Variants in BCAS3 observed in about 807,000 individuals in gnomAD.
BCAS3 encodes BCAS3 microtubule associated cell migration factor.
In BCAS3, 53 loss-of-function variants were observed where a neutral mutation model predicts 116.1. The ratio of observed to expected loss-of-function variants is 0.46; its 90% CI spans 0.37 to 0.57. The LOEUF is 0.57. BCAS3 is among the 20% of genes least tolerant of loss of function. The pLI is 0.00. For synonymous variants in BCAS3, 391 were observed against 408.2 expected (o/e 0.96, Z 0.51); for missense variants, 917 against 1,165.4 (o/e 0.79, Z 3.10).
chr17:61,370,003 C>T (rs985937864), intron 23 of BCAS3, among the ~76,000 whole-genome samples: 3 of 152,300 alleles, frequency 2.0e-5, no homozygotes, highest in Admixed American at 6.5e-5. Flanking sequence ...TCTCTCCCAC[C>T]GCCTTCTCAG....
At chr17:60,725,926 G>A (rs146008014) in intron 5 of BCAS3, among the ~76,000 whole-genome samples, 40 of 152,004 alleles carry the variant, frequency 2.6e-4, no homozygotes, top group African/African-American at 7.7e-4. Context: ...ACGGAGTTTC[G>A]CTCTTGTTGC....
At chr17:61,170,572 G>C (rs144966548) in intron 22 of BCAS3, among the ~76,000 whole-genome samples, 1 of 152,148 alleles carries the variant, frequency 6.6e-6, no homozygotes, top group Non-Finnish European at 1.5e-5. Flanking sequence ...GATTACAGGC[G>C]TGAGCCACCG....
rs3785867 is a variant in BCAS3, at chr17:61,138,776, T to C, written c.2425+54212T>C. Among the ~76,000 whole-genome samples the C allele has an allele frequency of 5.7e-3, 874 of 152,326 alleles. 21 individuals carry two copies. The East Asian group carries it at 0.087, about 15-fold the overall frequency. On this transcript the variant is annotated intron_variant, in intron 22 of 23. Coordinates refer to ENST00000407086, the MANE Select transcript of BCAS3 (RefSeq NM_017679.5). The stretch of plus-strand genomic sequence containing the variant: ...TCCAAATGACAGCTGAATTTAGGAA[T>C]TCAGCAGAAAAGTAACAATTCTTTT...
At chr17:60,807,028 C>T (rs894080979) in intron 6 of BCAS3, among the ~76,000 whole-genome samples, 4 of 152,024 alleles carry the variant, frequency 2.6e-5, no homozygotes, top group African/African-American at 9.7e-5. Flanking sequence ...TGAACCATTA[C>T]CTGTGACATT....
At position 61,141,769 on chromosome 17, in the gene BCAS3, C is replaced by T. The variant is rs888746512; in HGVS notation, c.2425+57205C>T. ...TACAAAAATTAGCTGGGCGTGGTGG[C>T]GCACGCCTGTAGTCCCAACTACTCA... On this transcript the variant is annotated intron_variant, in intron 22 of 23. Coordinates refer to ENST00000407086, the MANE Select transcript of BCAS3 (RefSeq NM_017679.5). The surrounding 1 kb of genome is among the most constrained non-coding windows in gnomAD (Gnocchi z 4.3). 6.6e-5 allele frequency among the ~76,000 whole-genome samples: 10 copies of T among 151,894 alleles called. No individual in the cohort carries two copies. The highest frequency in any genetic ancestry group is 4.2e-4 in the South Asian group (2 of 4,808).
intron 22 of BCAS3, among the ~76,000 whole-genome samples, chr17:61,264,042 G>A (rs1270584767): frequency 6.6e-6 from 1 of 152,150 alleles, no homozygotes; most frequent in Non-Finnish European, 1.5e-5. Flanking sequence ...GTAAAGTTAT[G>A]TGGATTCTAG....
chr17:60,779,062 AACC>A (rs2045557363), intron 6 of BCAS3, among the ~76,000 whole-genome samples: 1 of 152,138 alleles, frequency 6.6e-6, no homozygotes, highest in African/African-American at 2.4e-5. Context: ...CCTTGCTTCT[AACC>A]ACATTGTATT....
At chr17:61,288,661 G>A (rs924408374) in intron 22 of BCAS3, among the ~76,000 whole-genome samples, 24 of 152,218 alleles carry the variant, frequency 1.6e-4, no homozygotes, top group African/African-American at 2.9e-4. Context: ...GAACCAAGTC[G>A]GCAGCAACCA....
chr17:61,169,893 C>T (rs1197927166), intron 22 of BCAS3, among the ~76,000 whole-genome samples: 3 of 152,164 alleles, frequency 2.0e-5, no homozygotes, highest in African/African-American at 4.8e-5. Context: ...CTTGCACTGT[C>T]GCCCAGGCTG....
Position 61,068,494 on chromosome 17 carries a change from A to T in BCAS3, c.2030-6426A>T, listed in dbSNP as rs1356547504. 6.6e-6 allele frequency among the ~76,000 whole-genome samples: 1 copy of T among 152,156 alleles called. No individual in the cohort carries two copies. The highest frequency in any genetic ancestry group is 1.9e-4 in the East Asian group (1 of 5,200). ...CATCCAGCTCCTGTCAGTTGTCTGG[A>T]CTATGTCCATATTATTCTTGTACAT... On this transcript the variant is annotated intron_variant, in intron 19 of 23. Coordinates refer to ENST00000407086, the MANE Select transcript of BCAS3 (RefSeq NM_017679.5). The surrounding 1 kb of genome is among the most constrained non-coding windows in gnomAD (Gnocchi z 4.3).
At chr17:61,358,013 G>C (rs7209147) in intron 22 of BCAS3, among the ~76,000 whole-genome samples, 3 of 151,512 alleles carry the variant, frequency 2.0e-5, no homozygotes, top group African/African-American at 4.8e-5. Context: ...ACTTGAGCCC[G>C]GGGGGCAGAG....
Position 61,213,153 on chromosome 17 carries a change from TTTTG to T in BCAS3, c.2425+128605_2425+128608del, listed in dbSNP as rs553439341. Among the ~76,000 whole-genome samples the T allele has an allele frequency of 1.2e-4, 18 of 152,056 alleles. No homozygotes were observed. The South Asian group carries it at 1.9e-3, about 16-fold the overall frequency. ...CCTTGTTAAATTGTTATATATATAT[TTTTG>T]TTTGTTTGTTTGTTTTTTGTTTTTT... On this transcript the variant is annotated intron_variant, in intron 22 of 23. Transcript: ENST00000407086. The surrounding 1 kb of genome is among the most constrained non-coding windows in gnomAD (Gnocchi z 5.4).
In BCAS3 at chr17:61,380,450, C is replaced by T; in HGVS notation, c.2594-11527C>T. 6.6e-7 allele frequency: 1 copy of T among 1,517,426 alleles called. No individual in the cohort carries two copies. Among genetic ancestry groups the T allele is most frequent in the Non-Finnish European group, 9.0e-7 (1 of 1,112,686 alleles). 94.0% of individuals were successfully genotyped at this position (1,517,426 alleles called of 1,614,324 possible). ...CACTTTGATCTCAGCTCTTCCTGCT[C>T]TCTTAAAGGTCCAGTTTGTGATCCG... On this transcript the variant is annotated intron_variant, in intron 23 of 23. Coordinates refer to ENST00000407086, the MANE Select transcript of BCAS3 (RefSeq NM_017679.5). The surrounding 1 kb of genome is among the most constrained non-coding windows in gnomAD (Gnocchi z 4.2).
At chr17:60,853,276 T>C (rs1337655070) in intron 7 of BCAS3, among the ~76,000 whole-genome samples, 1 of 152,256 alleles carries the variant, frequency 6.6e-6, no homozygotes, top group Non-Finnish European at 1.5e-5. Flanking sequence ...TCTTTTTTGA[T>C]TAGTTCTCCT....
rs967675008 is a variant in BCAS3 at position 61,354,184 on chromosome 17, A to G, written c.2426-14143A>G. ...GAAACTAAGGTGACTGAGGCAAGTC[A>G]TTGAACCACCCTGAGCCTTGGCTTC... On this transcript the variant is annotated intron_variant, in intron 22 of 23. Transcript: ENST00000407086. This position sits in a 1 kb window ranked among gnomAD's most constrained non-coding sequence, Gnocchi z 4.5. 6.6e-6 allele frequency: 1 copy of G among 152,256 alleles called. No individual in the cohort carries two copies. Among genetic ancestry groups the G allele is most frequent in the Admixed American group, 6.5e-5 (1 of 15,290 alleles). 9.4% of individuals were successfully genotyped at this position (152,256 alleles called of 1,614,324 possible).
rs1163145561 is a variant in BCAS3, at chr17:60,990,276, C to T, written c.1486+41C>T. On this transcript the variant is annotated intron_variant, in intron 15 of 23. Transcript: ENST00000407086. The surrounding 1 kb of genome is among the most constrained non-coding windows in gnomAD (Gnocchi z 5.1). ...TCCACTGTTATCTTGAATCTTCCTT[C>T]CCTTTGTCCTTATTTTTACAGATCT... 9 of 1,591,140 alleles carry T rather than the reference C, an allele frequency of 5.7e-6. No homozygotes were observed. In the African/African-American group the frequency reaches 6.7e-5, roughly 12 times the overall value.
rs375641310 is a variant in BCAS3, at chr17:61,178,957, G to A, written c.2425+94393G>A. Among the ~76,000 whole-genome samples the A allele has an allele frequency of 3.0e-4, 45 of 152,126 alleles. 1 individual carries two copies. The South Asian group carries it at 8.3e-3, about 28-fold the overall frequency. Reference sequence around the variant, plus strand: ...ATTATTACAGTCTAAAAAATGATACGATGTTTTCCTGGGCTTGGGTTGAGG... The same window carrying A: ...ATTATTACAGTCTAAAAAATGATACAATGTTTTCCTGGGCTTGGGTTGAGG... On this transcript the variant is annotated intron_variant, in intron 22 of 23. Transcript: ENST00000407086.
At chr17:60,795,507 G>A (rs931445908) in intron 6 of BCAS3, among the ~76,000 whole-genome samples, 4 of 152,130 alleles carry the variant, frequency 2.6e-5, no homozygotes, top group Admixed American at 1.3e-4. Flanking sequence ...TTCTCAGAGG[G>A]AATGCTTTCA....
chr17:60,785,221 C>T (rs535835010), intron 6 of BCAS3, among the ~76,000 whole-genome samples: 144 of 152,148 alleles, frequency 9.5e-4, no homozygotes, highest in Admixed American at 1.6e-3. Flanking sequence ...TGCAGTGGTG[C>T]GATCTCGGCT....
Sources: allele counts gnomAD v4.1 joint callset (sites outside exome capture counted in the v4.1 genomes callset), GRCh38; gene constraint gnomAD v4.1.1; non-coding constraint Gnocchi (gnomAD v3.1); transcripts MANE v1.5; gene names NCBI Gene and HGNC (gene_info 2026-07-23, HGNC 2026-07-21).